Variants in MBD4 observed in about 807,000 individuals in gnomAD.
The protein encoded by MBD4 is methyl-CpG binding domain 4, DNA glycosylase, also known as methyl-CpG-binding domain protein 4.
A neutral mutation model predicts 60.2 loss-of-function variants in MBD4; 53 were observed. The ratio of observed to expected loss-of-function variants is 0.88; its 90% CI spans 0.71 to 1.11. The LOEUF (loss-of-function observed/expected upper bound fraction) is 1.11. MBD4 is among the 50% of genes least tolerant of loss of function. The pLI is 0.00. For synonymous variants in MBD4, 231 were observed against 229.8 expected, an observed-to-expected ratio of 1.01 and a Z score of -0.05; for missense variants, 619 against 674.0, an observed-to-expected ratio of 0.92 and a Z score of 0.90.
intron 1 of MBD4, among the ~76,000 whole-genome samples, chr3:129,439,047 AACC>A (rs1290509693): frequency 6.6e-6 from 1 of 152,234 alleles, no homozygotes; most frequent in Non-Finnish European, 1.5e-5. Context: ...CTAATCACTA[AACC>A]ACAGATTGTA....
intron 3 of MBD4, among the ~76,000 whole-genome samples, chr3:129,435,456 A>G (rs2072440969): frequency 6.6e-6 from 1 of 152,164 alleles, no homozygotes; most frequent in African/African-American, 2.4e-5. Context: ...ATATTTGCCC[A>G]TTTTGCTAGC....
Position 129,431,552 on chromosome 3 carries a change from AT to A in MBD4, c.1673del (p.Asn558IlefsTer14). ...TTTCCCAAAGCCAGTCATGATATTT[AT>A]TTAATTTGTGGTCTTCAGGGTGCAC... The part of the protein sequence containing the change: ...KQVHPEDHKL[N>X]KYHDWLWENH... On this transcript the variant is annotated frameshift_variant, in exon 8 of 8. Coordinates refer to ENST00000429544, the MANE Select transcript of MBD4 (RefSeq NM_001276270.2). LOFTEE classifies it high-confidence loss of function. The A allele has an allele frequency of 6.2e-7, 1 of 1,613,146 alleles. No individual in the cohort carries two copies. Among genetic ancestry groups the A allele is most frequent in the Non-Finnish European group, 8.5e-7 (1 of 1,179,802 alleles).
At position 129,437,102 on chromosome 3, in the gene MBD4, C is replaced by T. The variant is rs180996357; in HGVS notation, c.542G>A (p.Arg181Gln). The part of the protein sequence containing the change: ...SNNSNWNLRT[R>Q]SKCKKDVFMP... ...AAACACATCCTTTTTGCACTTGCTT[C>T]GGGTCCTGAGGTTCCAGTTTGAATT... The change falls in exon 3 of 8, where the codon CGA (arginine) becomes CAA (glutamine). Residue 181 changes from arginine (R) to glutamine (Q), a missense_variant. Arg to Gln is a conservative substitution (Grantham distance 43). Transcript: ENST00000429544. The T allele has an allele frequency of 2.6e-5, 42 of 1,613,962 alleles. 2 individuals carry two copies. The Admixed American group carries it at 3.3e-4, about 13-fold the overall frequency.
At chr3:129,433,828 A>G in intron 5 of MBD4, 22 bp downstream of exon 5, 1 of 1,613,972 alleles carries the variant, frequency 6.2e-7, no homozygotes, top group Non-Finnish European at 8.5e-7. Flanking sequence ...TACTAAGACA[A>G]AGATGATAAT....
rs776199077 is a variant in MBD4, at chr3:129,434,147, A to G, written c.1184-11T>C. ...GTGGGATGGTATCTTCTGAAAAGGA[A>G]AAGTAAACACTTTATGGAGTCTATG... On this transcript the variant is annotated splice_polypyrimidine_tract_variant and intron_variant, in intron 3 of 7. Coordinates refer to ENST00000429544, the MANE Select transcript of MBD4 (RefSeq NM_001276270.2). 3.7e-6 allele frequency: 6 copies of G among 1,605,010 alleles called. No homozygotes were observed. The East Asian group carries it at 1.1e-4, about 30-fold the overall frequency.
In MBD4 at chr3:129,437,305, T is replaced by C. The variant is rs1430891843; in HGVS notation, c.339A>G (p.Pro113=). 8 of 1,604,218 alleles carry C rather than the reference T, an allele frequency of 5.0e-6. No homozygotes were observed. The highest frequency in any genetic ancestry group is 1.3e-5 in the African/African-American group (1 of 75,030). ...AGRFDVYFIS[P]QGLKFRSKSS... is the part of the protein sequence containing the mutation. ...TTTTGGATCTGAACTTCAGTCCTTGTGGGCTAGAAAATGATATTAAAGGAA... is the reference window on the plus strand; with the variant it reads ...TTTTGGATCTGAACTTCAGTCCTTGCGGGCTAGAAAATGATATTAAAGGAA... The change falls in exon 3 of 8, where the codon CCA becomes CCG. Residue 113 remains proline, a synonymous_variant. Transcript: ENST00000429544.
rs764652373 is a variant in MBD4 at position 129,437,789 on chromosome 3, C to G, written c.266G>C (p.Gly89Ala). The change falls in exon 2 of 8, where the codon GGA (glycine) becomes GCA (alanine). Residue 89 changes from glycine to alanine, a missense_variant. Gly to Ala is a moderately conservative substitution (Grantham distance 60, BLOSUM62 0). Coordinates refer to ENST00000429544, the MANE Select transcript of MBD4 (RefSeq NM_001276270.2). ...GTECRKSVPC[G>A]WERVVKQRLF... Reference sequence around the variant, plus strand: ...CCTTTGCTTCACAACTCTTTCCCATCCACATGGGACAGACTTACGGCATTC... The same window carrying G: ...CCTTTGCTTCACAACTCTTTCCCATGCACATGGGACAGACTTACGGCATTC... 10 of 1,614,032 alleles carry G rather than the reference C, an allele frequency of 6.2e-6. No homozygotes were observed. The highest frequency in any genetic ancestry group is 6.8e-6 in the Non-Finnish European group (8 of 1,179,870).
At chr3:129,437,998 C>T (rs1282653344) in intron 1 of MBD4, 48 bp from the exon 2 acceptor site, 1 of 1,094,216 alleles carries the variant, frequency 9.1e-7, no homozygotes, top group Non-Finnish European at 1.4e-6. Flanking sequence ...ATTTATCTTC[C>T]ACTGCCTACT....
chr3:129,435,954 A>T (rs935955455), intron 3 of MBD4, among the ~76,000 whole-genome samples: 2 of 152,246 alleles, frequency 1.3e-5, no homozygotes, highest in African/African-American at 4.8e-5. Context: ...AAAAATGACT[A>T]TGATATATAC....
chr3:129,433,821 T>G (rs2072402782), intron 5 of MBD4, 29 bp downstream of exon 5: 1 of 1,613,628 alleles, frequency 6.2e-7, no homozygotes, highest in South Asian at 1.1e-5. Flanking sequence ...CTGTCTCTAC[T>G]AAGACAAAGA....
At chr3:129,432,940 A>G (rs2072381335) in intron 6 of MBD4, among the ~76,000 whole-genome samples, 158 bp downstream of exon 6, 1 of 152,172 alleles carries the variant, frequency 6.6e-6, no homozygotes, top group Admixed American at 6.5e-5. Flanking sequence ...TCAGTGGGAG[A>G]CTGTGGTTTG....
intron 1 of MBD4, 86 bp from the exon 2 acceptor site, chr3:129,438,036 C>T (rs1269559568): frequency 1.3e-6 from 1 of 785,074 alleles, no homozygotes; most frequent in Non-Finnish European, 2.2e-6. Context: ...AATGCAGGAA[C>T]CACATAGATT....
chr3:129,433,522 T>C, intron 5 of MBD4: 1 of 586,122 alleles, frequency 1.7e-6, no homozygotes, highest in Non-Finnish European at 3.0e-6. Flanking sequence ...ATAATGAGAG[T>C]AGAAGCATAT....
rs558765093 is a variant in MBD4 at position 129,436,704 on chromosome 3, C to CTT, written c.938_939dup (p.Glu314LysfsTer5). Reference sequence around the variant, plus strand: ...TTTGATCCTGAACTCAATGATCTTTCTTTTTTTTTTACAAGGCTGTTTTCT... The same window carrying CTT: ...TTTGATCCTGAACTCAATGATCTTTCTTTTTTTTTTTTACAAGGCTGTTTTCT... On this transcript the variant is annotated frameshift_variant, in exon 3 of 8. Coordinates refer to ENST00000429544, the MANE Select transcript of MBD4 (RefSeq NM_001276270.2). LOFTEE classifies it high-confidence loss of function. 1 of 1,495,314 alleles carries CTT rather than the reference C, an allele frequency of 6.7e-7. No individual in the cohort carries two copies. Among genetic ancestry groups the CTT allele is most frequent in the Non-Finnish European group, 9.2e-7 (1 of 1,088,728 alleles). The allele number at this position is 1,495,314 out of a possible 1,614,324, so 92.6% of individuals were successfully genotyped here. A position where few individuals can be genotyped will look rare whatever the true frequency, so the allele number is the denominator to read the frequency against.
chr3:129,438,405 C>T (rs2072540101), intron 1 of MBD4, among the ~76,000 whole-genome samples: 1 of 152,134 alleles, frequency 6.6e-6, no homozygotes, highest in Non-Finnish European at 1.5e-5. Flanking sequence ...TCACTTTCAT[C>T]AGATGTAATC....
Position 129,431,413 on chromosome 3 carries a change from A to G in MBD4, c.*88T>C, listed in dbSNP as rs1420819278. 2.9e-6 allele frequency: 3 copies of G among 1,052,182 alleles called. No individual in the cohort carries two copies. Among genetic ancestry groups the G allele is most frequent in the East Asian group, 2.4e-5 (1 of 42,220 alleles). The allele number at this position is 1,052,182 out of a possible 1,614,324, so 65.2% of individuals were successfully genotyped here. A position where few individuals can be genotyped will look rare whatever the true frequency, so the allele number is the denominator to read the frequency against. On this transcript the variant is annotated 3_prime_UTR_variant, in exon 8 of 8. Transcript: ENST00000429544. ...TCTAGTTGGGCTAATTAAAATCTCT[A>G]TGGCTGGAAAGGTGGTTGGTTGTAC...
At position 129,437,123 on chromosome 3, in the gene MBD4, G is replaced by A. The variant is rs777902580; in HGVS notation, c.521C>T (p.Ser174Leu). 6.2e-7 allele frequency: 1 copy of A among 1,613,988 alleles called. No individual in the cohort carries two copies. Among genetic ancestry groups the A allele is most frequent in the Admixed American group, 1.7e-5 (1 of 60,008 alleles). Residue 174 changes from serine to leucine, a missense_variant, in exon 3 of 8, where the codon TCA (serine) becomes TTA (leucine). Ser to Leu is a moderately radical substitution (Grantham distance 145). Coordinates refer to ENST00000429544, the MANE Select transcript of MBD4 (RefSeq NM_001276270.2). ...TSHLQNQSNNSNWNLRTRSKC... is the reference protein window; with the variant it reads ...TSHLQNQSNNLNWNLRTRSKC... ...GCTTCGGGTCCTGAGGTTCCAGTTT[G>A]AATTGTTACTTTGGTTTTGTAGATG...
In MBD4 at chr3:129,436,456, C is replaced by G. The variant is rs781073235; in HGVS notation, c.1183+5G>C. On this transcript the variant is annotated splice_donor_5th_base_variant and intron_variant, in intron 3 of 7. Transcript: ENST00000429544. ...AGCACTGGATACCTTGAAATATTTT[C>G]TCACCAGTGAAGTCTTTCCTGGTTG... 3.7e-6 allele frequency: 6 copies of G among 1,613,900 alleles called. No homozygotes were observed. In the East Asian group the frequency reaches 1.3e-4, roughly 36 times the overall value.
rs756081732 is a variant in MBD4, at chr3:129,432,510, C to T, written c.1640G>A (p.Trp547Ter). The change falls in exon 7 of 8, where the codon TGG becomes TAG. Residue 547 changes from tryptophan (W) to a stop codon, truncating the protein, a stop_gained. Coordinates refer to ENST00000429544, the MANE Select transcript of MBD4 (RefSeq NM_001276270.2). LOFTEE classifies it high-confidence loss of function. Reference sequence around the variant, plus strand: ...GATGGGAGTGAGCCTCACCTGCTTCCACTCATTGACACAAAAAATTCGGTA... The same window carrying T: ...GATGGGAGTGAGCCTCACCTGCTTCTACTCATTGACACAAAAAATTCGGTA... ...DSYRIFCVNE[W>*]KQVHPEDHKL... 1 of 1,614,220 alleles carries T rather than the reference C, an allele frequency of 6.2e-7. No homozygotes were observed. Among genetic ancestry groups the T allele is most frequent in the Non-Finnish European group, 8.5e-7 (1 of 1,180,044 alleles).
Sources: allele counts gnomAD v4.1 joint callset (sites outside exome capture counted in the v4.1 genomes callset), GRCh38; gene constraint gnomAD v4.1.1; transcripts MANE v1.5; gene names NCBI Gene and HGNC (gene_info 2026-07-23, HGNC 2026-07-21).